The following GTF3C5 variants were observed in gnomAD, a reference collection of about 807,000 sequenced individuals.
GTF3C5 encodes the protein general transcription factor IIIC subunit 5.
GTF3C5 carries 47 observed loss-of-function variants against 61.0 expected under a neutral mutation model. The observed-to-expected ratio is 0.77, with a 90% CI of 0.61 to 0.98. The LOEUF is 0.98. GTF3C5 is among the 50% of genes least tolerant of loss of function. GTF3C5 has a pLI of 0.00. For synonymous variants in GTF3C5, 295 were observed against 275.4 expected, an observed-to-expected ratio of 1.07 and a Z score of -0.71; for missense variants, 659 against 703.3, an observed-to-expected ratio of 0.94 and a Z score of 0.71.
intron 3 of GTF3C5, chr9:133,044,146 CAAAAAAAAAAAAAAA>C: frequency 9.9e-6 from 1 of 101,316 alleles, no homozygotes; most frequent in South Asian, 1.5e-4. Context: ...CTTTGTCTCC[CAAAAAAAAAAAAAAA>C]AAAAAAAAGA....
At chr9:133,041,106 G>A (rs929807525) in intron 1 of GTF3C5, among the ~76,000 whole-genome samples, 16 of 152,350 alleles carry the variant, frequency 1.1e-4, no homozygotes, top group African/African-American at 2.2e-4. Flanking sequence ...TAGCAGTAAC[G>A]CCAGTGTCTG....
chr9:133,031,164 G>C lies in GTF3C5; in HGVS notation c.153G>C (p.Arg51=). Residue 51 remains arginine (R), a splice_region_variant and synonymous_variant, in exon 1 of 11, where the codon CGG becomes CGC. Coordinates refer to ENST00000372097, the MANE Select transcript of GTF3C5 (RefSeq NM_012087.4). ...PTLGGEEGVS[R]IYADPTKRLE... ...TGGGCGGCGAGGAAGGCGTCTCCCG[G>C]GTAAGGGGCTGGGAATCTCGGTGTT... is the stretch of plus-strand genomic sequence containing the variant. 6.4e-7 allele frequency: 1 copy of C among 1,568,952 alleles called. No individual in the cohort carries two copies.
Position 133,054,045 on chromosome 9 carries a change from A to G in GTF3C5, c.988+103A>G. The G allele has an allele frequency of 6.0e-6, 5 of 839,994 alleles. No homozygotes were observed. The South Asian group carries it at 8.6e-5, about 14-fold the overall frequency. The allele number at this position is 839,994 out of a possible 1,614,324, so 52.0% of individuals were successfully genotyped here. ...AGAATCTTTTCATTTGGAAAGAATA[A>G]AAAAACCTTTTGCCCCCGTTGCTGA... On this transcript the variant is annotated intron_variant, in intron 6 of 10. Coordinates refer to ENST00000372097, the MANE Select transcript of GTF3C5 (RefSeq NM_012087.4).
intron 5 of GTF3C5, 81 bp downstream of exon 5, chr9:133,052,245 A>G (rs1455468978): frequency 6.8e-6 from 5 of 737,524 alleles, no homozygotes; most frequent in Non-Finnish European, 9.5e-6. Context: ...TTAGAGCCAC[A>G]GTAAGAGCAG....
intron 7 of GTF3C5, 81 bp downstream of exon 7, chr9:133,054,569 G>A (rs899390234): frequency 2.7e-6 from 4 of 1,455,198 alleles, no homozygotes; most frequent in African/African-American, 1.4e-5. Flanking sequence ...CGGGGAGGTG[G>A]TTCCTGGGGG....
chr9:133,056,457 C>G (rs992739402), intron 9 of GTF3C5, among the ~76,000 whole-genome samples: 2 of 152,194 alleles, frequency 1.3e-5, no homozygotes, highest in African/African-American at 4.8e-5. Context: ...AAAGGGCACT[C>G]ACTGGGATGA....
chr9:133,051,888 G>C, intron 4 of GTF3C5, 172 bp from the exon 5 acceptor site: 1 of 468,064 alleles, frequency 2.1e-6, no homozygotes, highest in Non-Finnish European at 3.8e-6. Flanking sequence ...TGAGGGAAGG[G>C]ATGAATTAGT....
At chr9:133,030,814 G>A, upstream of GTF3C5, 1 of 680,566 alleles carries the variant, frequency 1.5e-6, no homozygotes, top group South Asian at 1.6e-5. Flanking sequence ...AGGACACGGC[G>A]GTCGTTTTCC....
chr9:133,039,331 G>T (rs546087175), intron 1 of GTF3C5, among the ~76,000 whole-genome samples: 1 of 152,120 alleles, frequency 6.6e-6, no homozygotes, highest in Non-Finnish European at 1.5e-5. Context: ...ACTGTCTCTC[G>T]TCCTCTTGAC....
chr9:133,031,857 G>A (rs192130090), intron 1 of GTF3C5, among the ~76,000 whole-genome samples: 6 of 152,140 alleles, frequency 3.9e-5, no homozygotes, highest in Non-Finnish European at 5.9e-5. Context: ...AGTTTTGGTG[G>A]GAAGGATGGT....
intron 8 of GTF3C5, 36 bp from the exon 9 acceptor site, chr9:133,055,976 C>T (rs1180215689): frequency 1.2e-6 from 2 of 1,613,518 alleles, no homozygotes; most frequent in Non-Finnish European, 1.7e-6. Flanking sequence ...AGGGCTCTGG[C>T]TCACCTTCCC....
At position 133,058,182 on chromosome 9, in the gene GTF3C5, G is replaced by C. The variant is rs1309233141; in HGVS notation, c.*202G>C. The C allele has an allele frequency of 1.4e-6, 2 of 1,396,416 alleles. No individual in the cohort carries two copies. The highest frequency in any genetic ancestry group is 6.1e-5 in the Admixed American group (2 of 32,802). The allele number at this position is 1,396,416 out of a possible 1,614,324, so 86.5% of individuals were successfully genotyped here. A position where few individuals can be genotyped will look rare whatever the true frequency, so the allele number is the denominator to read the frequency against. On this transcript the variant is annotated 3_prime_UTR_variant, in exon 11 of 11. Transcript: ENST00000372097. The stretch of plus-strand genomic sequence containing the variant: ...TTGGTGCTGCCTCTGGTCCTGAGGG[G>C]TTAGGGACATCCCCAAAGGGTATAC...
intron 5 of GTF3C5, among the ~76,000 whole-genome samples, chr9:133,053,060 G>A (rs1850434200): frequency 6.6e-6 from 1 of 151,986 alleles, no homozygotes; most frequent in African/African-American, 2.4e-5. Context: ...GGCTGGTCTC[G>A]AACTCCTAAC....
chr9:133,031,838 G>A (rs1282585721), intron 1 of GTF3C5, among the ~76,000 whole-genome samples: 2 of 152,122 alleles, frequency 1.3e-5, no homozygotes, highest in Non-Finnish European at 2.9e-5. Context: ...CCTGAGTGGC[G>A]GGGTGAGTAG....
At chr9:133,050,253 G>T (rs960192787) in intron 3 of GTF3C5, among the ~76,000 whole-genome samples, 1 of 152,168 alleles carries the variant, frequency 6.6e-6, no homozygotes, top group East Asian at 1.9e-4. Context: ...TTAGAAAATG[G>T]TCCCTTCTCT....
intron 1 of GTF3C5, among the ~76,000 whole-genome samples, chr9:133,035,549 G>T (rs1849839928): frequency 6.6e-6 from 1 of 152,168 alleles, no homozygotes; most frequent in African/African-American, 2.4e-5. Context: ...CTCTTGAGGG[G>T]TTTGGATAAC....
At chr9:133,037,525 G>C (rs1014847560) in intron 1 of GTF3C5, among the ~76,000 whole-genome samples, 1 of 152,100 alleles carries the variant, frequency 6.6e-6, no homozygotes, top group Middle Eastern at 3.2e-3. Context: ...TGTATGGTGG[G>C]GGGGTGGGAC....
chr9:133,031,242 C>T (rs768210760), intron 1 of GTF3C5, 78 bp downstream of exon 1: 1 of 1,352,868 alleles, frequency 7.4e-7, no homozygotes, highest in African/African-American at 1.5e-5. Context: ...GATTTCTCAG[C>T]AAGGGAAATT....
rs778109094 is a variant in GTF3C5, at chr9:133,031,049, C to T, written c.38C>T (p.Ala13Val). 1.6e-5 allele frequency: 26 copies of T among 1,612,038 alleles called. No homozygotes were observed. Among genetic ancestry groups the T allele is most frequent in the African/African-American group, 1.2e-4 (9 of 74,906 alleles). ...AEAADLGLGA[A>V]VPVELRRERR... Reference sequence around the variant, plus strand: ...GCGGCCGATTTGGGGCTGGGGGCCGCCGTCCCCGTGGAGCTGAGGCGGGAG... The same window carrying T: ...GCGGCCGATTTGGGGCTGGGGGCCGTCGTCCCCGTGGAGCTGAGGCGGGAG... The change falls in exon 1 of 11, where the codon GCC (alanine) becomes GTC (valine). Residue 13 changes from alanine to valine, a missense_variant. Physicochemically the swap from Ala to Val is moderately conservative, Grantham distance 64. Transcript: ENST00000372097.
Sources: gnomAD v4.1 joint callset for allele counts (sites outside exome capture counted in the v4.1 genomes callset) on GRCh38, gnomAD v4.1.1 for gene constraint, MANE v1.5 for transcripts, NCBI Gene and HGNC (gene_info 2026-07-23, HGNC 2026-07-21) for gene names.